The following ATR variants were observed in gnomAD, a reference collection of about 807,000 sequenced individuals.
ATR encodes ATR checkpoint kinase, also known as serine/threonine-protein kinase ATR.
In ATR, 142 loss-of-function variants were observed where a neutral mutation model predicts 305.3. The ratio of observed to expected loss-of-function variants is 0.47; its 90% CI spans 0.41 to 0.53. The LOEUF (loss-of-function observed/expected upper bound fraction) is 0.53. Ranked by LOEUF, ATR falls within the 20% of genes least tolerant of loss-of-function variation. The pLI, the probability that ATR is intolerant of heterozygous loss-of-function variation, is 0.00. For synonymous variants in ATR, 1,050 were observed against 1,068.1 expected, an observed-to-expected ratio of 0.98 and a Z score of 0.33; for missense variants, 2,135 against 3,133.1, an observed-to-expected ratio of 0.68 and a Z score of 7.60.
At chr3:142,576,271 C>T (rs996857174) in intron 1 of ATR, among the ~76,000 whole-genome samples, 1 of 152,206 alleles carries the variant, frequency 6.6e-6, no homozygotes, top group African/African-American at 2.4e-5. Context: ...TTCAAGGGCG[C>T]AGTAAATCAG....
At position 142,497,049 on chromosome 3, in the gene ATR, A is replaced by C. The variant is rs2031689810; in HGVS notation, c.5702T>G (p.Leu1901Arg). 6.2e-7 allele frequency: 1 copy of C among 1,613,182 alleles called. No individual in the cohort carries two copies. The highest frequency in any genetic ancestry group is 8.5e-7 in the Non-Finnish European group (1 of 1,179,730). The change falls in exon 33 of 47, where the codon CTG (leucine) becomes CGG (arginine). Residue 1901 changes from leucine (L) to arginine (R), a missense_variant. Physicochemically the swap from Leu to Arg is moderately radical, Grantham distance 102. Coordinates refer to ENST00000350721, the MANE Select transcript of ATR (RefSeq NM_001184.4). ...QNSYRAKEPILALRRALLSLN... is the reference protein window; with the variant it reads ...QNSYRAKEPIRALRRALLSLN... ...GCTTAGTAAAGCCCTCCGGAGAGCCAGGATAGGCTCCTTGGCTCTGTAGGA... is the reference window on the plus strand; with the variant it reads ...GCTTAGTAAAGCCCTCCGGAGAGCCCGGATAGGCTCCTTGGCTCTGTAGGA...
At chr3:142,569,404 T>C (rs943399465) in intron 1 of ATR, among the ~76,000 whole-genome samples, 1 of 152,162 alleles carries the variant, frequency 6.6e-6, no homozygotes, top group Non-Finnish European at 1.5e-5. Context: ...CACTGCAGCC[T>C]CAACCTCCCA....
At chr3:142,467,526 G>A (rs2071158716) in intron 39 of ATR, among the ~76,000 whole-genome samples, 1 of 152,070 alleles carries the variant, frequency 6.6e-6, no homozygotes. Flanking sequence ...CTTCCCTATC[G>A]TAAGTGTAGT....
chr3:142,505,020 G>T, intron 29 of ATR, 119 bp downstream of exon 29: 2 of 1,258,856 alleles, frequency 1.6e-6, no homozygotes, highest in East Asian at 2.6e-5. Flanking sequence ...CTCCAGCCTG[G>T]CCAACAGAGC....
chr3:142,475,440 T>C (rs1457027781), intron 36 of ATR, among the ~76,000 whole-genome samples: 1 of 152,240 alleles, frequency 6.6e-6, no homozygotes, highest in East Asian at 1.9e-4. Flanking sequence ...TCCTTTTTTA[T>C]GGCTGCATAG....
chr3:142,537,632 TG>T (rs2033905330), intron 19 of ATR, among the ~76,000 whole-genome samples: 1 of 152,154 alleles, frequency 6.6e-6, no homozygotes, highest in South Asian at 2.1e-4. Context: ...TTACTGCAAC[TG>T]ACTAAAGGGA....
At chr3:142,454,632 A>G (rs1039748862) in intron 45 of ATR, among the ~76,000 whole-genome samples, 10 of 151,536 alleles carry the variant, frequency 6.6e-5, no homozygotes, top group South Asian at 4.2e-4. Flanking sequence ...TAGTAGAGAC[A>G]GGGTTTCACC....
chr3:142,516,200 C>G (rs2032854281), intron 24 of ATR, among the ~76,000 whole-genome samples: 1 of 152,136 alleles, frequency 6.6e-6, no homozygotes, highest in African/African-American at 2.4e-5. Context: ...GTCTCTTTGC[C>G]TCTTTCCACA....
rs78551330 is a variant in ATR at position 142,536,868 on chromosome 3, A to G, written c.3726-667T>C. Among the ~76,000 whole-genome samples, 228 of 152,350 alleles carry G rather than the reference A, an allele frequency of 1.5e-3. 1 individual carries two copies. Among genetic ancestry groups the G allele is most frequent in the African/African-American group, 5.1e-3 (213 of 41,590 alleles). The stretch of plus-strand genomic sequence containing the variant: ...ATAGACAGACAAAGACTACCTCAAT[A>G]TACAAATTATCATGAAGAATTATAG... On this transcript the variant is annotated intron_variant, in intron 19 of 46. Transcript: ENST00000350721.
At chr3:142,481,978 A>G (rs1216270207) in intron 36 of ATR, among the ~76,000 whole-genome samples, 4 of 151,666 alleles carry the variant, frequency 2.6e-5, no homozygotes, top group African/African-American at 9.7e-5. Flanking sequence ...GTGCACCACC[A>G]TGCCTGGATA....
intron 35 of ATR, among the ~76,000 whole-genome samples, 184 bp downstream of exon 35, chr3:142,492,948 T>C (rs535395473): frequency 6.6e-6 from 1 of 152,310 alleles, no homozygotes; most frequent in East Asian, 1.9e-4. Flanking sequence ...AATAATATTC[T>C]ATTTCTTGAT....
intron 35 of ATR, among the ~76,000 whole-genome samples, chr3:142,485,792 C>T (rs73238200): frequency 0.13 from 20,173 of 152,032 alleles, 1,408 homozygotes; most frequent in Non-Finnish European, 0.16. Flanking sequence ...AAGTTATTGC[C>T]CTTTCTCTCA....
At chr3:142,473,254 C>G (rs1245741901) in intron 36 of ATR, among the ~76,000 whole-genome samples, 1 of 152,042 alleles carries the variant, frequency 6.6e-6, no homozygotes, top group African/African-American at 2.4e-5. Context: ...AGTTTTTAAG[C>G]CATTTTGAGT....
intron 29 of ATR, 85 bp downstream of exon 29, chr3:142,505,054 C>G (rs375400244): frequency 6.5e-7 from 1 of 1,541,722 alleles, no homozygotes; most frequent in Non-Finnish European, 8.9e-7. Flanking sequence ...AAAAACAAAA[C>G]AAAACAAAAC....
intron 35 of ATR, among the ~76,000 whole-genome samples, chr3:142,488,100 T>C (rs1330102760): frequency 1.5e-4 from 23 of 152,158 alleles, no homozygotes; most frequent in Admixed American, 1.4e-3. Context: ...AGCAATAGAT[T>C]AGAGGGTGAG....
rs113258038 is a variant in ATR, at chr3:142,485,305, C to G, written c.6079-23G>C. On this transcript the variant is annotated intron_variant, in intron 35 of 46. Coordinates refer to ENST00000350721, the MANE Select transcript of ATR (RefSeq NM_001184.4). ...ATCCTATAAAAAAGAACATAGGATA[C>G]CTACCTAAGGAAATCCCACGCTATG... 7.6e-5 allele frequency: 123 copies of G among 1,613,462 alleles called. 1 individual carries two copies. In the African/African-American group the frequency reaches 1.3e-3, roughly 16 times the overall value.
At chr3:142,511,052 A>G (rs929449211) in intron 27 of ATR, among the ~76,000 whole-genome samples, 2 of 152,192 alleles carry the variant, frequency 1.3e-5, no homozygotes, top group African/African-American at 4.8e-5. Context: ...ACTACTAGAG[A>G]CAAGAAAAAT....
At chr3:142,451,888 A>G in intron 46 of ATR, 1 of 1,315,404 alleles carries the variant, frequency 7.6e-7, no homozygotes, top group Non-Finnish European at 1.0e-6. Context: ...TAACAGGTTC[A>G]AGAACTGGTC....
chr3:142,514,451 G>A (rs2032760935), intron 25 of ATR, among the ~76,000 whole-genome samples: 1 of 151,750 alleles, frequency 6.6e-6, no homozygotes. Flanking sequence ...CTAACACGGT[G>A]AAACCCCGTC....
Sources: gnomAD v4.1 joint callset for allele counts (sites outside exome capture counted in the v4.1 genomes callset) on GRCh38, gnomAD v4.1.1 for gene constraint, MANE v1.5 for transcripts, NCBI Gene and HGNC (gene_info 2026-07-23, HGNC 2026-07-21) for gene names.